Variants in ZNF566 observed in about 807,000 individuals in gnomAD.
ZNF566 encodes the protein zinc finger protein 566.
ZNF566 carries 27 observed loss-of-function variants against 32.8 expected under a neutral mutation model. The ratio of observed to expected loss-of-function variants is 0.82; its 90% CI spans 0.61 to 1.14. The LOEUF (loss-of-function observed/expected upper bound fraction) is 1.14. Among genes scored for constraint, ZNF566 ranks in the 50% most tolerant of loss-of-function variants. The pLI is 0.00. For synonymous variants in ZNF566, 154 were observed against 159.5 expected (o/e 0.97, Z 0.26); for missense variants, 402 against 490.4 (o/e 0.82, Z 1.70).
At chr19:36,461,890 G>C (rs2033472489) in intron 4 of ZNF566, among the ~76,000 whole-genome samples, 1 of 151,532 alleles carries the variant, frequency 6.6e-6, no homozygotes, top group South Asian at 2.1e-4. Context: ...TTACACTTTA[G>C]TTCTTAAAGT....
Position 36,448,773 on chromosome 19 carries a change from G to C in ZNF566, c.*204C>G, listed in dbSNP as rs1339235037. 2.2e-6 allele frequency: 1 copy of C among 457,982 alleles called. No individual in the cohort carries two copies. Among genetic ancestry groups the C allele is most frequent in the Non-Finnish European group, 3.8e-6 (1 of 264,282 alleles). The allele number at this position is 457,982 out of a possible 1,614,324, so 28.4% of individuals were successfully genotyped here. ...TAGACTGAATTATCTGATGTCAAGAGAAGTAAGCGTTTAGTTAAGGGCTTC... is the reference window on the plus strand; with the variant it reads ...TAGACTGAATTATCTGATGTCAAGACAAGTAAGCGTTTAGTTAAGGGCTTC... On this transcript the variant is annotated 3_prime_UTR_variant, in exon 5 of 5. Transcript: ENST00000452939.
In ZNF566 at chr19:36,449,643, C is replaced by T; in HGVS notation, c.591G>A (p.Lys197=). Reference sequence around the variant, plus strand: ...TTCCACATTCCTTACATTCATAAGGCTTCTCAATGGTATGAATTATCTCAT... The same window carrying T: ...TTCCACATTCCTTACATTCATAAGGTTTCTCAATGGTATGAATTATCTCAT... ...ATHEIIHTIE[K]PYECKECGKS... is the part of the protein sequence containing the mutation. Residue 197 remains lysine (K), a synonymous_variant, in exon 5 of 5, where the codon AAG becomes AAA. Coordinates refer to ENST00000452939, the MANE Select transcript of ZNF566 (RefSeq NM_001145344.1). 1.3e-5 allele frequency: 21 copies of T among 1,614,134 alleles called. No individual in the cohort carries two copies. The highest frequency in any genetic ancestry group is 1.8e-5 in the Non-Finnish European group (21 of 1,180,028).
rs966228169 is a variant in ZNF566, at chr19:36,459,996, G to A, written c.233-9995C>T. Among the ~76,000 whole-genome samples, 5 of 151,424 alleles carry A rather than the reference G, an allele frequency of 3.3e-5. No individual in the cohort carries two copies. The South Asian group carries it at 6.3e-4, about 19-fold the overall frequency. On this transcript the variant is annotated intron_variant, in intron 4 of 4. Coordinates refer to ENST00000452939, the MANE Select transcript of ZNF566 (RefSeq NM_001145344.1). ...TTTTTTTTGTATTTTTAGTAAAGAC[G>A]AGGTTTCAACACGTTGGCCAGGCTG...
chr19:36,482,649 ACACAG>A (rs2034065535), intron 1 of ZNF566, among the ~76,000 whole-genome samples: 1 of 152,210 alleles, frequency 6.6e-6, no homozygotes, highest in Non-Finnish European at 1.5e-5. Flanking sequence ...AATACTTTTT[ACACAG>A]GTCCAGGTTG....
At chr19:36,451,073 T>C (rs1050555948) in intron 4 of ZNF566, among the ~76,000 whole-genome samples, 21 of 152,362 alleles carry the variant, frequency 1.4e-4, no homozygotes, top group Non-Finnish European at 2.2e-4. Context: ...AGTCACATTA[T>C]TCACATTTCC....
intron 4 of ZNF566, among the ~76,000 whole-genome samples, chr19:36,458,187 T>C (rs969184498): frequency 6.6e-6 from 1 of 152,094 alleles, no homozygotes; most frequent in African/African-American, 2.4e-5. Context: ...AGCCAAGATA[T>C]GGAATCAATG....
At chr19:36,479,905 C>T (rs1447976583) in intron 1 of ZNF566, among the ~76,000 whole-genome samples, 1 of 152,068 alleles carries the variant, frequency 6.6e-6, no homozygotes, top group African/African-American at 2.4e-5. Flanking sequence ...CTGTGTTGCC[C>T]AGGCTTGTCT....
chr19:36,473,335 T>C lies in ZNF566; in HGVS notation c.133A>G (p.Met45Val), dbSNP rs754927876. 3.7e-6 allele frequency: 6 copies of C among 1,614,070 alleles called. No individual in the cohort carries two copies. Among genetic ancestry groups the C allele is most frequent in the Non-Finnish European group, 5.1e-6 (6 of 1,179,988 alleles). Residue 45 changes from methionine (M) to valine (V), a missense_variant, in exon 3 of 5, where the codon ATG becomes GTG. Transcript: ENST00000452939. ...TACTATGGACAGATGTCCTTACCCA[T>C]TGAAACCAGGTTGCTGTAATTCTCC... ...MLENYSNLVS[M>V]GHSISKPNVI...
intron 4 of ZNF566, among the ~76,000 whole-genome samples, chr19:36,464,523 GT>G (rs1451753376): frequency 6.6e-6 from 1 of 152,004 alleles, no homozygotes; most frequent in African/African-American, 2.4e-5. Flanking sequence ...ATCAATTAAA[GT>G]TGCATTAATA....
chr19:36,461,207 T>C (rs1224605925), intron 4 of ZNF566, among the ~76,000 whole-genome samples: 1 of 152,160 alleles, frequency 6.6e-6, no homozygotes, highest in African/African-American at 2.4e-5. Context: ...CAGATTTCTA[T>C]ATTAAATCCC....
At chr19:36,452,934 A>G (rs2033195231) in intron 4 of ZNF566, among the ~76,000 whole-genome samples, 1 of 152,000 alleles carries the variant, frequency 6.6e-6, no homozygotes, top group African/African-American at 2.4e-5. Flanking sequence ...CCTGCCCAAT[A>G]TGGTGAAACC....
Position 36,447,393 on chromosome 19 carries a change from T to C in ZNF566, c.*1584A>G. 6.6e-6 allele frequency: 1 copy of C among 152,212 alleles called. No homozygotes were observed. Among genetic ancestry groups the C allele is most frequent in the East Asian group, 1.9e-4 (1 of 5,188 alleles). 9.4% of individuals were successfully genotyped at this position (152,212 alleles called of 1,614,324 possible). On this transcript the variant is annotated 3_prime_UTR_variant, in exon 5 of 5. Transcript: ENST00000452939. ...GAAACTGGATTTGGTGCTTCATTAG[T>C]AATAGTTAACTGATCACATGCTAAT...
At chr19:36,468,332 G>T (rs2033678645) in intron 4 of ZNF566, among the ~76,000 whole-genome samples, 1 of 151,792 alleles carries the variant, frequency 6.6e-6, no homozygotes, top group Middle Eastern at 3.2e-3. Flanking sequence ...TCGGCTGGGT[G>T]AAGTGGCTTG....
At chr19:36,469,415 C>T (rs2033707302) in intron 4 of ZNF566, among the ~76,000 whole-genome samples, 1 of 152,102 alleles carries the variant, frequency 6.6e-6, no homozygotes, top group Non-Finnish European at 1.5e-5. Context: ...TGGCGGGTGC[C>T]TGTAATCCCA....
intron 4 of ZNF566, among the ~76,000 whole-genome samples, chr19:36,462,314 A>T (rs1044709239): frequency 5.9e-5 from 9 of 152,016 alleles, no homozygotes; most frequent in African/African-American, 2.2e-4. Context: ...GAACTTGAAC[A>T]TAGGTTGCTT....
chr19:36,462,905 C>T (rs1023101502), intron 4 of ZNF566, among the ~76,000 whole-genome samples: 6 of 122,358 alleles, frequency 4.9e-5, no homozygotes, highest in African/African-American at 1.3e-4. Flanking sequence ...TGCAGTGAGC[C>T]GAGACTGTGC....
intron 4 of ZNF566, among the ~76,000 whole-genome samples, chr19:36,451,994 G>A (rs138876383): frequency 1.7e-3 from 252 of 151,506 alleles, no homozygotes; most frequent in Non-Finnish European, 2.9e-3. Context: ...GGAACAGAGC[G>A]AGACTCCATC....
At chr19:36,465,828 C>T (rs1185437065) in intron 4 of ZNF566, among the ~76,000 whole-genome samples, 1 of 151,614 alleles carries the variant, frequency 6.6e-6, no homozygotes, top group Non-Finnish European at 1.5e-5. Flanking sequence ...GCATAAAGGT[C>T]ATTGTTACAG....
intron 1 of ZNF566, among the ~76,000 whole-genome samples, chr19:36,488,270 T>C (rs2034221077): frequency 6.6e-6 from 1 of 152,078 alleles, no homozygotes; most frequent in Non-Finnish European, 1.5e-5. Flanking sequence ...TATGTATGTA[T>C]TTATGGTAGA....
Sources: allele counts gnomAD v4.1 joint callset (sites outside exome capture counted in the v4.1 genomes callset), GRCh38; gene constraint gnomAD v4.1.1; transcripts MANE v1.5; gene names NCBI Gene and HGNC (gene_info 2026-07-23, HGNC 2026-07-21).